CRPPA: variants seen among roughly 807,000 people sequenced by gnomAD.
CRPPA encodes CDP-L-ribitol pyrophosphorylase A, also known as D-ribitol-5-phosphate cytidylyltransferase.
Under a neutral mutation model 52.0 loss-of-function variants are expected in CRPPA, and 43 were observed. The ratio of observed to expected loss-of-function variants is 0.83; its 90% CI spans 0.65 to 1.07. The LOEUF (loss-of-function observed/expected upper bound fraction) is 1.07, where lower values mean the gene tolerates loss of function less well. Ranked by LOEUF, CRPPA falls within the 50% of genes least tolerant of loss-of-function variation. The pLI is 0.00. For missense variants in CRPPA, 629 were observed against 551.7 expected, an observed-to-expected ratio of 1.14 and a Z score of -1.40; for synonymous variants, 250 against 203.5, an observed-to-expected ratio of 1.23 and a Z score of -1.94.
intron 9 of CRPPA, among the ~76,000 whole-genome samples, chr7:16,109,331 T>C (rs1053756936): frequency 6.6e-6 from 1 of 151,760 alleles, no homozygotes; most frequent in African/African-American, 2.4e-5. Flanking sequence ...AATTCCTAGA[T>C]ACCTACAAAC....
At position 16,091,621 on chromosome 7, in the gene CRPPA, C is replaced by G. The variant is rs1391510933; in HGVS notation, c.*74G>C. 1 of 768,228 alleles carries G rather than the reference C, an allele frequency of 1.3e-6. No homozygotes were observed. Among genetic ancestry groups the G allele is most frequent in the Non-Finnish European group, 2.2e-6 (1 of 456,354 alleles). The allele number at this position is 768,228 out of a possible 1,614,324, so 47.6% of individuals were successfully genotyped here. A position where few individuals can be genotyped will look rare whatever the true frequency, so the allele number is the denominator to read the frequency against. On this transcript the variant is annotated 3_prime_UTR_variant, in exon 10 of 10. Transcript: ENST00000407010. ...GACAACTGAAACATTCTACCACACA[C>G]AGCAGCGGGGGCACAAAGCACAATT...
At chr7:16,391,025 T>C (rs1379021047) in intron 2 of CRPPA, among the ~76,000 whole-genome samples, 1 of 152,122 alleles carries the variant, frequency 6.6e-6, no homozygotes, top group African/African-American at 2.4e-5. Context: ...TTAAACACCA[T>C]CTACATGAGA....
chr7:16,374,000 T>C (rs1222110178), intron 3 of CRPPA, among the ~76,000 whole-genome samples: 1 of 152,178 alleles, frequency 6.6e-6, no homozygotes, highest in African/African-American at 2.4e-5. Flanking sequence ...GACACCTTGG[T>C]TACAATTGCC....
At chr7:16,215,936 C>CACATAGATG (rs1282604089) in intron 9 of CRPPA, 130 bp downstream of exon 9, 16 of 688,914 alleles carry the variant, frequency 2.3e-5, no homozygotes, top group South Asian at 2.1e-4. Context: ...TTATAGCACA[C>CACATAGATG]ACATAGATGA....
chr7:16,248,271 T>C (rs1355298476), intron 8 of CRPPA, among the ~76,000 whole-genome samples: 1 of 152,150 alleles, frequency 6.6e-6, no homozygotes, highest in Admixed American at 6.5e-5. Context: ...CCCAAAAGGC[T>C]GAGTCTGCAG....
At chr7:16,284,867 AC>A (rs1416938950) in intron 5 of CRPPA, among the ~76,000 whole-genome samples, 2 of 152,168 alleles carry the variant, frequency 1.3e-5, no homozygotes, top group Non-Finnish European at 2.9e-5. Context: ...TACTTGTACC[AC>A]GTGTTTGGAA....
chr7:16,115,991 C>G (rs1333367315), intron 9 of CRPPA, among the ~76,000 whole-genome samples: 1 of 152,072 alleles, frequency 6.6e-6, no homozygotes, highest in African/African-American at 2.4e-5. Context: ...CACTAAGTGA[C>G]AAGCAACACT....
At chr7:16,398,422 A>T (rs1787679406) in intron 2 of CRPPA, among the ~76,000 whole-genome samples, 1 of 151,544 alleles carries the variant, frequency 6.6e-6, no homozygotes, top group African/African-American at 2.4e-5. Context: ...TGATTCACAC[A>T]TGATTGACGT....
chr7:16,254,654 T>A (rs1783565951), intron 8 of CRPPA, among the ~76,000 whole-genome samples: 1 of 151,596 alleles, frequency 6.6e-6, no homozygotes, highest in Non-Finnish European at 1.5e-5. Flanking sequence ...GAGTTACTGG[T>A]TACAGCATAC....
chr7:16,273,867 C>T (rs1442509183), intron 6 of CRPPA, among the ~76,000 whole-genome samples: 1 of 152,162 alleles, frequency 6.6e-6, no homozygotes, highest in African/African-American at 2.4e-5. Flanking sequence ...CCCAGAAGGA[C>T]TTGTCCTGGC....
chr7:16,185,500 C>CTTG (rs1781487945), intron 9 of CRPPA, among the ~76,000 whole-genome samples: 1 of 152,116 alleles, frequency 6.6e-6, no homozygotes, highest in African/African-American at 2.4e-5. Context: ...GGCATAACAA[C>CTTG]GGTGGTGGCA....
chr7:16,416,801 C>T (rs1312426439), intron 1 of CRPPA, among the ~76,000 whole-genome samples: 1 of 151,954 alleles, frequency 6.6e-6, no homozygotes, highest in Non-Finnish European at 1.5e-5. Context: ...GAAATCCTGC[C>T]ACTGCACTCC....
intron 3 of CRPPA, among the ~76,000 whole-genome samples, chr7:16,326,576 G>A (rs921078701): frequency 7.9e-5 from 12 of 152,060 alleles, no homozygotes; most frequent in African/African-American, 2.7e-4. Flanking sequence ...CAATATTCCT[G>A]GAAAAAAGTG....
At chr7:16,394,769 G>T (rs1291797121) in intron 2 of CRPPA, among the ~76,000 whole-genome samples, 1 of 152,094 alleles carries the variant, frequency 6.6e-6, no homozygotes, top group Non-Finnish European at 1.5e-5. Context: ...TGTACAACAA[G>T]AAGAGAGATC....
At chr7:16,388,935 G>A (rs1311575879) in intron 2 of CRPPA, among the ~76,000 whole-genome samples, 1 of 152,040 alleles carries the variant, frequency 6.6e-6, no homozygotes, top group Non-Finnish European at 1.5e-5. Context: ...AATAAAATCG[G>A]AAGGTAGTGA....
intron 3 of CRPPA, among the ~76,000 whole-genome samples, chr7:16,352,423 T>A (rs10247036): frequency 0.58 from 80,937 of 140,756 alleles, 21,821 homozygotes; most frequent in South Asian, 0.69. Context: ...ACAAAAAATT[T>A]AAAAAAAAAA....
Position 16,209,536 on chromosome 7 carries a change from T to G in CRPPA, c.1251+6530A>C, listed in dbSNP as rs142170486. Among the ~76,000 whole-genome samples the G allele has an allele frequency of 8.7e-3, 1,323 of 152,220 alleles. 6 individuals are homozygous for G. The highest frequency in any genetic ancestry group is 0.024 in the South Asian group (115 of 4,812). ...ATCTGCAAGCCTCAGCTTCCCAAAG[T>G]GTTGGGATTGCAGGCGTGAGCCATG... is the stretch of plus-strand genomic sequence containing the variant. On this transcript the variant is annotated intron_variant, in intron 9 of 9. Transcript: ENST00000407010.
chr7:16,158,029 C>G (rs922501659), intron 9 of CRPPA, among the ~76,000 whole-genome samples: 2 of 151,692 alleles, frequency 1.3e-5, no homozygotes, highest in Admixed American at 1.3e-4. Context: ...CACGTGCCAC[C>G]ACGCCCAGCT....
At chr7:16,154,252 C>T (rs7783810) in intron 9 of CRPPA, among the ~76,000 whole-genome samples, 101,176 of 151,764 alleles carry the variant, frequency 0.67, 35,071 homozygotes, top group African/African-American at 0.87. Context: ...AAAAATGGGA[C>T]ACATGGGCAG....
Sources: allele counts gnomAD v4.1 joint callset (sites outside exome capture counted in the v4.1 genomes callset), GRCh38; gene constraint gnomAD v4.1.1; transcripts MANE v1.5; gene names NCBI Gene and HGNC (gene_info 2026-07-23, HGNC 2026-07-21).